Variants in MYO5B observed in about 807,000 individuals in gnomAD.
MYO5B encodes the protein unconventional myosin-Vb.
In MYO5B, 143 loss-of-function variants were observed where a neutral mutation model predicts 229.3. The ratio of observed to expected loss-of-function variants is 0.62; its 90% confidence interval spans 0.54 to 0.72. The LOEUF is 0.72. MYO5B is among the 30% of genes least tolerant of loss of function. The probability of loss-of-function intolerance (pLI) is 0.00; values close to 1 mark genes in which losing one functional copy is unlikely to be tolerated. For missense variants in MYO5B, 2,321 were observed against 2,331.0 expected (o/e 1.00, Z 0.09); for synonymous variants, 918 against 885.2 (o/e 1.04, Z -0.66).
At chr18:49,921,482 G>A (rs2025075076) in intron 17 of MYO5B, among the ~76,000 whole-genome samples, 2 of 152,106 alleles carry the variant, frequency 1.3e-5, no homozygotes, top group Non-Finnish European at 1.5e-5. Context: ...AGGGCTTTAT[G>A]TGCATAACAA....
At chr18:50,154,440 T>C (rs1214631418) in intron 1 of MYO5B, among the ~76,000 whole-genome samples, 1 of 152,168 alleles carries the variant, frequency 6.6e-6, no homozygotes, top group African/African-American at 2.4e-5. Flanking sequence ...CTTTGATTGG[T>C]ACGGGATTTG....
At position 49,992,544 on chromosome 18, in the gene MYO5B, C is replaced by T. The variant is rs752901346; in HGVS notation, c.613-113G>A. ...TTTCTCTTCCTTACTTACAGAAACCCTCTGTTCTTGGGATGACAATGAACT... is the reference window on the plus strand; with the variant it reads ...TTTCTCTTCCTTACTTACAGAAACCTTCTGTTCTTGGGATGACAATGAACT... On this transcript the variant is annotated intron_variant, in intron 5 of 39. Transcript: ENST00000285039. 110 of 1,468,780 alleles carry T rather than the reference C, an allele frequency of 7.5e-5. 1 individual carries two copies. Among genetic ancestry groups the T allele is most frequent in the Non-Finnish European group, 9.9e-5 (104 of 1,053,518 alleles). The allele number at this position is 1,468,780 out of a possible 1,614,324, so 91.0% of individuals were successfully genotyped here. A position where few individuals can be genotyped will look rare whatever the true frequency, so the allele number is the denominator to read the frequency against.
chr18:49,898,548 G>A (rs2024806544), intron 21 of MYO5B, among the ~76,000 whole-genome samples: 2 of 152,176 alleles, frequency 1.3e-5, no homozygotes, highest in African/African-American at 2.4e-5. Context: ...CAGGGACACT[G>A]CAAGAAATGG....
chr18:50,035,393 A>G (rs192253490), intron 4 of MYO5B, among the ~76,000 whole-genome samples: 156 of 152,352 alleles, frequency 1.0e-3, no homozygotes, highest in African/African-American at 3.3e-3. Context: ...TTTCAGAACC[A>G]TAAAGAAACC....
In MYO5B at chr18:49,929,585, T is replaced by G. The variant is rs1214505775; in HGVS notation, c.2017A>C (p.Arg673=). The G allele has an allele frequency of 3.8e-6, 6 of 1,592,124 alleles. No homozygotes were observed. Among genetic ancestry groups the G allele is most frequent in the Non-Finnish European group, 5.1e-6 (6 of 1,174,564 alleles). ...CAGGCTCTGAGTTGCTGCACTGCTC[T>G]CTTTGGGTCAAAGCTGCCAAAGGAG... ...EKLPFHFDPK[R]AVQQLRACGV... Residue 673 remains arginine (R), a synonymous_variant, in exon 17 of 40, where the codon AGA becomes CGA. Coordinates refer to ENST00000285039, the MANE Select transcript of MYO5B (RefSeq NM_001080467.3).
chr18:49,880,231 A>C, intron 23 of MYO5B, 140 bp downstream of exon 23: 63 of 757,248 alleles, frequency 8.3e-5, no homozygotes, highest in South Asian at 1.2e-4. Flanking sequence ...AAAGGTCATT[A>C]TTCTTCATCT....
intron 1 of MYO5B, among the ~76,000 whole-genome samples, chr18:50,129,503 C>T (rs564354578): frequency 5.9e-5 from 9 of 152,324 alleles, no homozygotes; most frequent in East Asian, 5.8e-4. Flanking sequence ...AAATGATCCA[C>T]GAGCTAATAC....
At chr18:50,043,343 AT>A (rs1198196677) in intron 2 of MYO5B, among the ~76,000 whole-genome samples, 1 of 92,220 alleles carries the variant, frequency 1.1e-5, no homozygotes, top group Non-Finnish European at 2.1e-5. Flanking sequence ...ATATATTTAT[AT>A]TATATATAAT....
chr18:50,015,376 C>G (rs2026205384), intron 4 of MYO5B, among the ~76,000 whole-genome samples: 2 of 152,180 alleles, frequency 1.3e-5, no homozygotes. Flanking sequence ...CAAATATTTC[C>G]AGGATCAGAA....
chr18:49,857,441 G>C (rs1166897480), intron 29 of MYO5B, among the ~76,000 whole-genome samples: 1 of 152,174 alleles, frequency 6.6e-6, no homozygotes, highest in Non-Finnish European at 1.5e-5. Context: ...GCCCACCCAG[G>C]GTAAGGAAGG....
At chr18:49,863,433 T>C in intron 28 of MYO5B, 106 bp from the exon 29 acceptor site, 1 of 940,174 alleles carries the variant, frequency 1.1e-6, no homozygotes, top group South Asian at 1.4e-5. Flanking sequence ...GACAAAGGCC[T>C]GGAAAGAACA....
intron 4 of MYO5B, among the ~76,000 whole-genome samples, chr18:50,033,283 C>A (rs1320452445): frequency 6.6e-6 from 1 of 152,120 alleles, no homozygotes; most frequent in Admixed American, 6.5e-5. Context: ...ACTACTCCAC[C>A]CACCTAGAGG....
chr18:49,849,932 C>T lies in MYO5B; in HGVS notation c.4222-272G>A, dbSNP rs549610636. On this transcript the variant is annotated intron_variant, in intron 31 of 39. Transcript: ENST00000285039. ...CTCTGGCGCCTTGCTGAATCCCAAG[C>T]CTCCCCAAGCCAAGCCTCCTCCGGT... 11 of 467,246 alleles carry T rather than the reference C, an allele frequency of 2.4e-5. No individual in the cohort carries two copies. In the East Asian group the frequency reaches 4.7e-4, roughly 20 times the overall value. 28.9% of individuals were successfully genotyped at this position (467,246 alleles called of 1,614,324 possible). A position where few individuals can be genotyped will look rare whatever the true frequency, so the allele number is the denominator to read the frequency against.
chr18:50,051,494 A>C (rs912714326), intron 2 of MYO5B, among the ~76,000 whole-genome samples: 1 of 152,192 alleles, frequency 6.6e-6, no homozygotes, highest in African/African-American at 2.4e-5. Context: ...TCAAGCAGTC[A>C]AAAAGGGAGG....
chr18:50,099,667 T>C (rs1222380946), intron 1 of MYO5B, among the ~76,000 whole-genome samples: 1 of 152,212 alleles, frequency 6.6e-6, no homozygotes, highest in Non-Finnish European at 1.5e-5. Flanking sequence ...TGGCAAGGAC[T>C]GGAGCTTTGA....
chr18:50,193,814 C>CTCCA (rs1435057702), intron 1 of MYO5B, among the ~76,000 whole-genome samples: 1 of 152,278 alleles, frequency 6.6e-6, no homozygotes, highest in African/African-American at 2.4e-5. Flanking sequence ...TCACTACTGA[C>CTCCA]TCCAGGTTGA....
intron 4 of MYO5B, among the ~76,000 whole-genome samples, chr18:50,034,002 C>T (rs956347461): frequency 1.3e-5 from 2 of 152,198 alleles, no homozygotes; most frequent in African/African-American, 2.4e-5. Context: ...ATCAAGAGTT[C>T]CTGTGTGAGC....
chr18:50,146,546 G>A (rs1438391943), intron 1 of MYO5B, among the ~76,000 whole-genome samples: 1 of 152,212 alleles, frequency 6.6e-6, no homozygotes, highest in Non-Finnish European at 1.5e-5. Context: ...GGCAAGGGCT[G>A]TGCTCTTGAC....
chr18:50,108,101 G>A (rs564015886), intron 1 of MYO5B, among the ~76,000 whole-genome samples: 1 of 152,144 alleles, frequency 6.6e-6, no homozygotes, highest in Non-Finnish European at 1.5e-5. Flanking sequence ...TAGAGATGGG[G>A]TTTCGCCATG....
Sources: gnomAD v4.1 joint callset for allele counts (sites outside exome capture counted in the v4.1 genomes callset) on GRCh38, gnomAD v4.1.1 for gene constraint, MANE v1.5 for transcripts, NCBI Gene and HGNC (gene_info 2026-07-23, HGNC 2026-07-21) for gene names.